CLEC6A: variants seen among roughly 807,000 people sequenced by gnomAD.
CLEC6A encodes the protein C-type lectin domain containing 6A.
CLEC6A carries 22 observed loss-of-function variants against 25.7 expected under a neutral mutation model. That is an observed-to-expected ratio of 0.85 (90% confidence interval 0.61 to 1.22). The LOEUF (loss-of-function observed/expected upper bound fraction) is 1.22, where lower values mean the gene tolerates loss of function less well. Among genes scored for constraint, CLEC6A ranks in the 50% most tolerant of loss-of-function variants. The probability of loss-of-function intolerance (pLI) is 0.00; values close to 1 mark genes in which losing one functional copy is unlikely to be tolerated. For synonymous variants in CLEC6A, 92 were observed against 76.7 expected, an observed-to-expected ratio of 1.20 and a Z score of -1.04; for missense variants, 240 against 236.8, an observed-to-expected ratio of 1.01 and a Z score of -0.09.
chr12:8,473,422 A>C (rs1939932213), intron 4 of CLEC6A, among the ~76,000 whole-genome samples: 2 of 152,036 alleles, frequency 1.3e-5, no homozygotes, highest in South Asian at 4.1e-4. Context: ...CATTTTAATG[A>C]CTATATAGTA....
At chr12:8,469,665 C>T (rs767089596) in intron 4 of CLEC6A, among the ~76,000 whole-genome samples, 13 of 151,996 alleles carry the variant, frequency 8.6e-5, no homozygotes, top group Non-Finnish European at 1.8e-4. Context: ...ACAAAGCAAA[C>T]AAAAACGTAA....
At position 8,476,150 on chromosome 12, in the gene CLEC6A, A is replaced by G; in HGVS notation, c.395A>G (p.Glu132Gly). ...AATTTCATTGTCCAGCAGCTGAATG[A>G]GTCATTTTCTTATTTTCTGGGGCTT... The part of the protein sequence containing the change: ...EQNFIVQQLN[E>G]SFSYFLGLSD... The change falls in exon 5 of 6, where the codon GAG becomes GGG. Residue 132 changes from glutamate to glycine, a missense_variant. Coordinates refer to ENST00000382073, the MANE Select transcript of CLEC6A (RefSeq NM_001007033.2). The G allele has an allele frequency of 6.2e-7, 1 of 1,609,520 alleles. No homozygotes were observed.
At chr12:8,477,136 G>A (rs989213686) in intron 5 of CLEC6A, among the ~76,000 whole-genome samples, 184 bp from the exon 6 acceptor site, 2 of 152,120 alleles carry the variant, frequency 1.3e-5, no homozygotes, top group African/African-American at 4.8e-5. Context: ...GAATGTTAAA[G>A]GAGCAAGTGT....
intron 3 of CLEC6A, chr12:8,460,942 C>T (rs1206739234): frequency 1.1e-6 from 1 of 885,094 alleles, no homozygotes; most frequent in African/African-American, 1.6e-5. Flanking sequence ...AGCTGGATGC[C>T]ACTGTGGGGC....
intron 4 of CLEC6A, among the ~76,000 whole-genome samples, chr12:8,469,749 G>A (rs1198013279): frequency 2.6e-5 from 4 of 152,170 alleles, no homozygotes; most frequent in Non-Finnish European, 5.9e-5. Flanking sequence ...GAATGAAACT[G>A]GCTCCTGATT....
chr12:8,473,562 A>G (rs1939934895), intron 4 of CLEC6A, among the ~76,000 whole-genome samples: 1 of 152,122 alleles, frequency 6.6e-6, no homozygotes, highest in South Asian at 2.1e-4. Context: ...TTTTTGGTGA[A>G]ATGGTTCATT....
intron 4 of CLEC6A, among the ~76,000 whole-genome samples, chr12:8,474,204 G>A (rs1400935886): frequency 6.6e-6 from 1 of 152,048 alleles, no homozygotes; most frequent in African/African-American, 2.4e-5. Flanking sequence ...TATATTTGAG[G>A]TCATATACTT....
At chr12:8,475,388 A>G (rs1451187718) in intron 4 of CLEC6A, among the ~76,000 whole-genome samples, 1 of 151,944 alleles carries the variant, frequency 6.6e-6, no homozygotes, top group Non-Finnish European at 1.5e-5. Context: ...ACTCATATGT[A>G]TATATGAAAA....
chr12:8,474,337 T>C (rs1172333531), intron 4 of CLEC6A, among the ~76,000 whole-genome samples: 1 of 152,172 alleles, frequency 6.6e-6, no homozygotes, highest in African/African-American at 2.4e-5. Flanking sequence ...ATTCTTTCTC[T>C]ACTGCTTTCT....
At chr12:8,464,884 G>A (rs1939810115) in intron 3 of CLEC6A, among the ~76,000 whole-genome samples, 1 of 152,084 alleles carries the variant, frequency 6.6e-6, no homozygotes, top group Admixed American at 6.6e-5. Flanking sequence ...CATTTATTGA[G>A]CAATTATTCT....
chr12:8,477,671 C>A lies in CLEC6A; in HGVS notation c.*207C>A, dbSNP rs776476862. On this transcript the variant is annotated 3_prime_UTR_variant, in exon 6 of 6. Transcript: ENST00000382073. ...TCTTTTCCATTAATGATAGAATGCA[C>A]CCTTCCTCTCTTTGTTCCATTCTTT... The A allele has an allele frequency of 1.7e-3, 658 of 394,216 alleles. 10 individuals are homozygous for A. Among genetic ancestry groups the A allele is most frequent in the Non-Finnish European group, 3.3e-4 (73 of 222,244 alleles). 24.4% of individuals were successfully genotyped at this position (394,216 alleles called of 1,614,324 possible).
chr12:8,458,034 A>G (rs1007535476), intron 2 of CLEC6A, 47 bp downstream of exon 2: 4 of 1,334,338 alleles, frequency 3.0e-6, no homozygotes, highest in African/African-American at 1.4e-5. Context: ...TTTCCCTTGA[A>G]TATTCCATAC....
intron 2 of CLEC6A, among the ~76,000 whole-genome samples, chr12:8,459,046 T>C (rs1394449228): frequency 1.3e-5 from 2 of 152,116 alleles, no homozygotes; most frequent in African/African-American, 4.8e-5. Context: ...GCTAGAATTA[T>C]CTAGAAAACA....
At chr12:8,474,380 A>G (rs1197964414) in intron 4 of CLEC6A, among the ~76,000 whole-genome samples, 1 of 152,148 alleles carries the variant, frequency 6.6e-6, no homozygotes, top group East Asian at 1.9e-4. Context: ...AGATGGCTAC[A>G]GATGTTTGGC....
chr12:8,458,013 T>TCCTTGCTTCCTTTC (rs1939701610), intron 2 of CLEC6A, 26 bp downstream of exon 2: 1 of 1,500,214 alleles, frequency 6.7e-7, no homozygotes, highest in African/African-American at 1.4e-5. Flanking sequence ...AGGTGCATTT[T>TCCTTGCTTCCTTTC]CCTTGCTTCC....
In CLEC6A at chr12:8,457,953, A is replaced by C. The variant is rs1280076632; in HGVS notation, c.87A>C (p.Ala29=). The stretch of plus-strand genomic sequence containing the variant: ...GGTCTGTGGCTGGGATTTCCATTGC[A>C]CTCCTCAGTGCTTGCTTCATTGTGA... ...RLWSVAGISI[A]LLSACFIVSC... The change falls in exon 2 of 6, where the codon GCA becomes GCC. Residue 29 remains alanine, a synonymous_variant. Coordinates refer to ENST00000382073, the MANE Select transcript of CLEC6A (RefSeq NM_001007033.2). 1.2e-6 allele frequency: 2 copies of C among 1,613,492 alleles called. No individual in the cohort carries two copies. Among genetic ancestry groups the C allele is most frequent in the East Asian group, 2.2e-5 (1 of 44,874 alleles).
chr12:8,465,027 CAT>C (rs1171154306), intron 3 of CLEC6A, among the ~76,000 whole-genome samples: 1 of 152,202 alleles, frequency 6.6e-6, no homozygotes, highest in African/African-American at 2.4e-5. Flanking sequence ...TGCTCAAAGA[CAT>C]ACATGATAAA....
intron 1 of CLEC6A, 21 bp from the exon 2 acceptor site, chr12:8,457,877 G>C (rs888181823): frequency 6.2e-7 from 1 of 1,601,708 alleles, no homozygotes; most frequent in African/African-American, 1.3e-5. Flanking sequence ...AACTGCATTT[G>C]TTGTCTTCCT....
In CLEC6A at chr12:8,477,435, A is replaced by G. The variant is rs1218856245; in HGVS notation, c.601A>G (p.Ile201Val). The G allele has an allele frequency of 5.0e-6, 8 of 1,609,918 alleles. No homozygotes were observed. The highest frequency in any genetic ancestry group is 1.6e-4 in the Middle Eastern group (1 of 6,066). Residue 201 changes from isoleucine (I) to valine (V), a missense_variant, in exon 6 of 6, where the codon ATA becomes GTA. Coordinates refer to ENST00000382073, the MANE Select transcript of CLEC6A (RefSeq NM_001007033.2). ...DVICETRRNS[I>V]CEMNKIYL Reference sequence around the variant, plus strand: ...TATCTGTGAAACTAGAAGGAATTCAATATGTGAGATGAATAAGATTTACCT... The same window carrying G: ...TATCTGTGAAACTAGAAGGAATTCAGTATGTGAGATGAATAAGATTTACCT...
Sources: gnomAD v4.1 joint callset for allele counts (sites outside exome capture counted in the v4.1 genomes callset) on GRCh38, gnomAD v4.1.1 for gene constraint, MANE v1.5 for transcripts, NCBI Gene and HGNC (gene_info 2026-07-23, HGNC 2026-07-21) for gene names.